The following UBE2K variants were observed in gnomAD, a reference collection of about 807,000 sequenced individuals.
The protein encoded by UBE2K is ubiquitin conjugating enzyme E2 K.
A neutral mutation model predicts 30.0 loss-of-function variants in UBE2K; 6 were observed. That is an observed-to-expected ratio of 0.20 (90% CI 0.11 to 0.39). The LOEUF is 0.39. UBE2K is among the 10% of genes least tolerant of loss of function. The pLI is 1.00. For synonymous variants in UBE2K, 86 were observed against 83.7 expected, an observed-to-expected ratio of 1.03 and a Z score of -0.15; for missense variants, 61 against 241.6, an observed-to-expected ratio of 0.25 and a Z score of 4.96.
At chr4:39,757,017 TGTTTTTTG>T (rs1721563698) in intron 4 of UBE2K, among the ~76,000 whole-genome samples, 1 of 103,334 alleles carries the variant, frequency 9.7e-6, no homozygotes, top group African/African-American at 4.0e-5. Context: ...TTTTGTTTTT[TGTTTTTTG>T]TTTTTTGTTT....
At chr4:39,745,881 A>G (rs929107327) in intron 3 of UBE2K, 71 bp downstream of exon 3, 3 of 1,170,846 alleles carry the variant, frequency 2.6e-6, no homozygotes, top group African/African-American at 1.6e-5. Flanking sequence ...TTATTAATAT[A>G]TATTTTAGGG....
At chr4:39,771,513 G>A (rs1312330321) in intron 4 of UBE2K, 2 of 1,431,266 alleles carry the variant, frequency 1.4e-6, no homozygotes, top group Non-Finnish European at 1.8e-6. Flanking sequence ...CACCCCCGCG[G>A]GGCCGGAAGC....
At chr4:39,704,852 T>C (rs1024539208) in intron 1 of UBE2K, among the ~76,000 whole-genome samples, 1 of 150,276 alleles carries the variant, frequency 6.7e-6, no homozygotes, top group Non-Finnish European at 1.5e-5. Flanking sequence ...TGTCACCCCT[T>C]CTTAAAGACT....
In UBE2K at chr4:39,731,597, C is replaced by T. The variant is rs180890229; in HGVS notation, c.64-5823C>T. ...CTTGGGAGGCTGAGGCAGGAGAATT[C>T]CTTGAACCCAGGAGTCAGAGGTTGC... On this transcript the variant is annotated intron_variant, in intron 1 of 6. Transcript: ENST00000261427. 5.8e-4 allele frequency among the ~76,000 whole-genome samples: 88 copies of T among 151,946 alleles called. No homozygotes were observed. In the East Asian group the frequency reaches 0.015, roughly 26 times the overall value.
At chr4:39,706,321 A>G (rs1718361342) in intron 1 of UBE2K, among the ~76,000 whole-genome samples, 1 of 151,260 alleles carries the variant, frequency 6.6e-6, no homozygotes, top group Admixed American at 6.6e-5. Flanking sequence ...CGGCCACAAT[A>G]CCCAGCTAAT....
Position 39,703,759 on chromosome 4 carries a change from A to C in UBE2K, c.63+5369A>C, listed in dbSNP as rs549242577. 1.1e-3 allele frequency among the ~76,000 whole-genome samples: 160 copies of C among 150,110 alleles called. 1 individual carries two copies. Among genetic ancestry groups the C allele is most frequent in the African/African-American group, 3.7e-3 (151 of 41,144 alleles). Reference sequence around the variant, plus strand: ...CTACTTGGGAGGCTGAGGCAGGAGAATTGCTTGAACCGGGGAGGTGGAGGT... The same window carrying C: ...CTACTTGGGAGGCTGAGGCAGGAGACTTGCTTGAACCGGGGAGGTGGAGGT... On this transcript the variant is annotated intron_variant, in intron 1 of 6. Coordinates refer to ENST00000261427, the MANE Select transcript of UBE2K (RefSeq NM_005339.5).
chr4:39,714,300 C>A, intron 1 of UBE2K: 2 of 203,766 alleles, frequency 9.8e-6, no homozygotes, highest in South Asian at 2.0e-4. Context: ...AGCTGCCTGC[C>A]ATCCAGTTTC....
At chr4:39,714,544 A>ATTTTT (rs1337587267) in intron 1 of UBE2K, 16 of 21,082 alleles carry the variant, frequency 7.6e-4, no homozygotes, top group African/African-American at 1.2e-3. Context: ...ATATATATAT[A>ATTTTT]TATATATTTT....
chr4:39,750,623 G>A (rs1721207520), intron 3 of UBE2K, among the ~76,000 whole-genome samples: 1 of 151,346 alleles, frequency 6.6e-6, no homozygotes, highest in Non-Finnish European at 1.5e-5. Context: ...CAAACTCATA[G>A]CCTCAAACAG....
rs1317775490 is a variant in UBE2K at position 39,779,460 on chromosome 4, C to G, written c.*1026C>G. 2.0e-5 allele frequency: 3 copies of G among 152,594 alleles called. No homozygotes were observed. The highest frequency in any genetic ancestry group is 2.9e-5 in the Non-Finnish European group (2 of 68,034). 9.5% of individuals were successfully genotyped at this position (152,594 alleles called of 1,614,324 possible). ...ATACTTCAAGTCATTCTTGCTTGCACTTCCCCTATTGACACATGAAAGCTG... is the reference window on the plus strand; with the variant it reads ...ATACTTCAAGTCATTCTTGCTTGCAGTTCCCCTATTGACACATGAAAGCTG... On this transcript the variant is annotated 3_prime_UTR_variant, in exon 7 of 7. Transcript: ENST00000261427.
At chr4:39,767,765 ATAT>A (rs1404053824) in intron 4 of UBE2K, among the ~76,000 whole-genome samples, 1 of 152,188 alleles carries the variant, frequency 6.6e-6, no homozygotes, top group Non-Finnish European at 1.5e-5. Flanking sequence ...ATTAAAATAA[ATAT>A]TATGAGTTTA....
At chr4:39,730,917 C>G (rs1039437861) in intron 1 of UBE2K, among the ~76,000 whole-genome samples, 2 of 146,218 alleles carry the variant, frequency 1.4e-5, no homozygotes, top group African/African-American at 2.5e-5. Context: ...TCAAGCAGTT[C>G]TCCTGCCTTA....
At chr4:39,713,302 T>TTTTTTTTTTTTTA (rs1718820020) in intron 1 of UBE2K, among the ~76,000 whole-genome samples, 4 of 145,742 alleles carry the variant, frequency 2.7e-5, no homozygotes, top group South Asian at 2.2e-4. Context: ...TTTTTTTTTT[T>TTTTTTTTTTTTTA]GAGACAGTTC....
At chr4:39,737,344 A>G in intron 1 of UBE2K, 76 bp from the exon 2 acceptor site, 1 of 819,704 alleles carries the variant, frequency 1.2e-6, no homozygotes, top group East Asian at 3.0e-5. Context: ...AGGGGGTTTC[A>G]AGATTTTTTA....
chr4:39,730,810 C>CTTTTT (rs569251225), intron 1 of UBE2K, among the ~76,000 whole-genome samples: 5 of 89,658 alleles, frequency 5.6e-5, no homozygotes, highest in African/African-American at 8.2e-5. Context: ...GCTATAGCTT[C>CTTTTT]TTTTTTTTTT....
At chr4:39,735,943 CAT>C (rs1720353482) in intron 1 of UBE2K, among the ~76,000 whole-genome samples, 1 of 151,486 alleles carries the variant, frequency 6.6e-6, no homozygotes, top group African/African-American at 2.4e-5. Flanking sequence ...GGTTTTAAGT[CAT>C]GTATTGTTTA....
At position 39,702,231 on chromosome 4, in the gene UBE2K, C is replaced by CTTTTTTTTTTTTTTTTTTTTTTTTTT. The variant is rs564712672; in HGVS notation, c.63+3856_63+3881dup. On this transcript the variant is annotated intron_variant, in intron 1 of 6. Transcript: ENST00000261427. ...ATTTTCTTTTCTTTTCTTTTCTTTTCTTTTTTTTTTTTTTTTTTTTTTTTT... is the reference window on the plus strand; with the variant it reads ...ATTTTCTTTTCTTTTCTTTTCTTTTCTTTTTTTTTTTTTTTTTTTTTTTTTTTTTTTTTTTTTTTTTTTTTTTTTTT... Among the ~76,000 whole-genome samples, 59 of 67,352 alleles carry CTTTTTTTTTTTTTTTTTTTTTTTTTT rather than the reference C, an allele frequency of 8.8e-4. 5 individuals are homozygous for CTTTTTTTTTTTTTTTTTTTTTTTTTT. The highest frequency in any genetic ancestry group is 1.3e-3 in the Non-Finnish European group (47 of 36,530). 44.2% of individuals were successfully genotyped at this position (67,352 alleles called of 152,430 possible).
At chr4:39,773,744 AC>A (rs1165967419) in intron 4 of UBE2K, among the ~76,000 whole-genome samples, 18 of 151,812 alleles carry the variant, frequency 1.2e-4, no homozygotes, top group Non-Finnish European at 2.4e-4. Context: ...ACACAGTGAA[AC>A]CCCGTCTCTA....
intron 1 of UBE2K, among the ~76,000 whole-genome samples, chr4:39,722,031 G>C (rs1258598466): frequency 2.0e-5 from 3 of 152,094 alleles, no homozygotes; most frequent in Admixed American, 6.6e-5. Flanking sequence ...ACAGTGCCAT[G>C]ATCATGGCTC....
Sources: allele counts gnomAD v4.1 joint callset (sites outside exome capture counted in the v4.1 genomes callset), GRCh38; gene constraint gnomAD v4.1.1; transcripts MANE v1.5; gene names NCBI Gene and HGNC (gene_info 2026-07-23, HGNC 2026-07-21).